The following NECAB1 variants were observed in gnomAD, a reference collection of about 807,000 sequenced individuals.
NECAB1 encodes the protein N-terminal EF-hand calcium binding protein 1.
Under a neutral mutation model 57.5 loss-of-function variants are expected in NECAB1, and 29 were observed. The ratio of observed to expected loss-of-function variants is 0.50; its 90% CI spans 0.38 to 0.69. NECAB1 has a LOEUF of 0.69. Ranked by LOEUF, NECAB1 falls within the 30% of genes least tolerant of loss-of-function variation. The pLI is 0.00. For synonymous variants in NECAB1, 142 were observed against 147.7 expected (o/e 0.96, Z 0.28); for missense variants, 372 against 413.8 (o/e 0.90, Z 0.88).
chr8:90,827,472 T>C (rs763283448), intron 3 of NECAB1, among the ~76,000 whole-genome samples: 12 of 152,010 alleles, frequency 7.9e-5, no homozygotes, highest in Non-Finnish European at 1.5e-4. Flanking sequence ...AATTGGTATC[T>C]CCCTAATACA....
chr8:90,809,367 C>T (rs759340876), intron 2 of NECAB1, among the ~76,000 whole-genome samples: 13 of 152,234 alleles, frequency 8.5e-5, no homozygotes, highest in African/African-American at 2.4e-4. Context: ...TCACTTCTTG[C>T]TATTTCCAAA....
intron 2 of NECAB1, among the ~76,000 whole-genome samples, chr8:90,816,390 A>G (rs1812062004): frequency 6.6e-6 from 1 of 151,742 alleles, no homozygotes; most frequent in Non-Finnish European, 1.5e-5. Context: ...TTTTTCTTTT[A>G]TGATGTTGTA....
At chr8:90,800,812 C>T (rs1394334706) in intron 1 of NECAB1, among the ~76,000 whole-genome samples, 2 of 152,060 alleles carry the variant, frequency 1.3e-5, no homozygotes, top group Non-Finnish European at 2.9e-5. Context: ...GAGCAGTCAC[C>T]GTGACCAGAG....
chr8:90,931,662 G>C (rs1049226104), intron 8 of NECAB1, among the ~76,000 whole-genome samples: 2 of 152,086 alleles, frequency 1.3e-5, no homozygotes, highest in African/African-American at 4.8e-5. Flanking sequence ...CCGGCACTTT[G>C]GGAGGCTGAG....
intron 3 of NECAB1, among the ~76,000 whole-genome samples, chr8:90,871,106 G>A (rs1808614782): frequency 6.6e-6 from 1 of 152,094 alleles, no homozygotes; most frequent in Non-Finnish European, 1.5e-5. Flanking sequence ...CTAATTAAAG[G>A]ACAACTGGAT....
chr8:90,899,238 G>A (rs1809438608), intron 5 of NECAB1, among the ~76,000 whole-genome samples: 2 of 152,144 alleles, frequency 1.3e-5, no homozygotes, highest in Admixed American at 6.5e-5. Context: ...CCAAGGTGTG[G>A]CAGCTGGAGA....
intron 5 of NECAB1, among the ~76,000 whole-genome samples, chr8:90,909,087 A>G (rs1235864696): frequency 2.6e-5 from 4 of 152,152 alleles, no homozygotes; most frequent in African/African-American, 9.7e-5. Context: ...TATCTTTGCT[A>G]GAAATTGTCA....
chr8:90,882,769 G>C (rs971931458), intron 5 of NECAB1, among the ~76,000 whole-genome samples: 3 of 152,206 alleles, frequency 2.0e-5, no homozygotes, highest in Admixed American at 6.6e-5. Flanking sequence ...TCTGTAAAGA[G>C]AGAGAAGGGC....
rs191590216 is a variant in NECAB1 at position 90,883,234 on chromosome 8, C to T, written c.357+2104C>T. Among the ~76,000 whole-genome samples the T allele has an allele frequency of 5.9e-5, 9 of 151,838 alleles. No homozygotes were observed. The East Asian group carries it at 1.7e-3, about 29-fold the overall frequency. On this transcript the variant is annotated intron_variant, in intron 5 of 12. Coordinates refer to ENST00000417640, the MANE Select transcript of NECAB1 (RefSeq NM_022351.5). ...CTGTTTAACCAAGAAAAACATATGT[C>T]TCTGATTTAAATTAAAAAGGAAAAA...
At chr8:90,874,495 C>T (rs1317190829) in intron 4 of NECAB1, among the ~76,000 whole-genome samples, 1 of 152,304 alleles carries the variant, frequency 6.6e-6, no homozygotes, top group Non-Finnish European at 1.5e-5. Context: ...CACTCATTGT[C>T]GTCCCCAATA....
intron 12 of NECAB1, among the ~76,000 whole-genome samples, chr8:90,954,038 C>T (rs188067414): frequency 2.6e-5 from 4 of 151,122 alleles, no homozygotes; most frequent in Admixed American, 6.6e-5. Context: ...CAGTGCACTC[C>T]AGCCTGGGTG....
At chr8:90,907,167 A>AGC (rs1411409521) in intron 5 of NECAB1, among the ~76,000 whole-genome samples, 1 of 145,352 alleles carries the variant, frequency 6.9e-6, no homozygotes, top group Non-Finnish European at 1.5e-5. Context: ...AGAGAGAGAG[A>AGC]GAGAGAGAGA....
chr8:90,909,686 T>C (rs373973440), intron 5 of NECAB1, among the ~76,000 whole-genome samples: 54 of 152,056 alleles, frequency 3.6e-4, no homozygotes, highest in African/African-American at 1.2e-3. Context: ...TTTGTTTTGT[T>C]TTTTACTCCA....
chr8:90,958,771 C>T lies in NECAB1; in HGVS notation c.*3259C>T. On this transcript the variant is annotated 3_prime_UTR_variant, in exon 13 of 13. Coordinates refer to ENST00000417640, the MANE Select transcript of NECAB1 (RefSeq NM_022351.5). ...TATACAGTCTTCCCACTTCACTAAC[C>T]AAATTCCTACTTTCCAGTGTTACTT... The T allele has an allele frequency of 2.5e-6, 1 of 406,414 alleles. No individual in the cohort carries two copies. The highest frequency in any genetic ancestry group is 4.4e-6 in the Non-Finnish European group (1 of 229,040). The allele number at this position is 406,414 out of a possible 1,614,324, so 25.2% of individuals were successfully genotyped here.
At chr8:90,855,366 T>C (rs977542702) in intron 3 of NECAB1, among the ~76,000 whole-genome samples, 1 of 152,184 alleles carries the variant, frequency 6.6e-6, no homozygotes, top group East Asian at 1.9e-4. Context: ...AAAGGGTCCA[T>C]GTAAGGCATA....
At chr8:90,823,161 A>G (rs756526128) in intron 2 of NECAB1, among the ~76,000 whole-genome samples, 12 of 151,844 alleles carry the variant, frequency 7.9e-5, no homozygotes, top group Non-Finnish European at 1.8e-4. Context: ...TGTCACCTGA[A>G]TCGCTAAGCT....
chr8:90,830,877 TGA>T (rs1467391981), intron 3 of NECAB1, among the ~76,000 whole-genome samples: 3 of 152,108 alleles, frequency 2.0e-5, no homozygotes, highest in African/African-American at 7.2e-5. Context: ...AGGCCCTACT[TGA>T]GAGAAGTCAC....
Position 90,847,915 on chromosome 8 carries a change from C to T in NECAB1, c.233+23090C>T, listed in dbSNP as rs560639272. Among the ~76,000 whole-genome samples, 31 of 152,328 alleles carry T rather than the reference C, an allele frequency of 2.0e-4. No homozygotes were observed. The South Asian group carries it at 3.5e-3, about 17-fold the overall frequency. On this transcript the variant is annotated intron_variant, in intron 3 of 12. Coordinates refer to ENST00000417640, the MANE Select transcript of NECAB1 (RefSeq NM_022351.5). ...CCAGGCCTGTGATGGGAGGGGCTGC[C>T]GCAAAATTCTCTGACATGCCCTGGA...
intron 3 of NECAB1, among the ~76,000 whole-genome samples, chr8:90,854,721 T>C (rs1462837292): frequency 6.6e-6 from 1 of 152,218 alleles, no homozygotes; most frequent in Non-Finnish European, 1.5e-5. Context: ...GAGACTTTTT[T>C]TGGGCAACAA....
Sources: gnomAD v4.1 joint callset for allele counts (sites outside exome capture counted in the v4.1 genomes callset) on GRCh38, gnomAD v4.1.1 for gene constraint, MANE v1.5 for transcripts, NCBI Gene and HGNC (gene_info 2026-07-23, HGNC 2026-07-21) for gene names.